NF1: variants seen among roughly 807,000 people sequenced by gnomAD.
NF1 encodes the protein neurofibromin 1.
Under a neutral mutation model 325.7 loss-of-function variants are expected in NF1, and 122 were observed. The observed-to-expected ratio is 0.37, with a 90% CI of 0.32 to 0.44. The LOEUF (loss-of-function observed/expected upper bound fraction) is 0.44. Among genes scored for constraint, NF1 ranks in the 20% least tolerant of loss-of-function variants. The pLI is 1.00. For missense variants in NF1, 2,140 were observed against 3,415.4 expected (o/e 0.63, Z 9.31); for synonymous variants, 1,091 against 1,186.0 (o/e 0.92, Z 1.65).
intron 1 of NF1, among the ~76,000 whole-genome samples, chr17:31,101,980 T>C (rs1912384162): frequency 2.0e-5 from 3 of 152,220 alleles, no homozygotes; most frequent in African/African-American, 7.2e-5. Flanking sequence ...AGAACATTGA[T>C]GGAATGTTTT....
intron 1 of NF1, among the ~76,000 whole-genome samples, chr17:31,130,344 G>T (rs898606031): frequency 1.2e-4 from 19 of 152,202 alleles, no homozygotes; most frequent in Non-Finnish European, 2.1e-4. Flanking sequence ...CAGCCAAAGT[G>T]TAGGGGGTGG....
Position 31,327,484 on chromosome 17 carries a change from A to G in NF1, c.5269-15A>G, listed in dbSNP as rs2151540701. On this transcript the variant is annotated splice_polypyrimidine_tract_variant and intron_variant, in intron 37 of 57. Transcript: ENST00000358273. ...TAATTCTTCTCCACTTCACCCCGTC[A>G]CCACCACTTTCCAGGTTGGTTCTAC... 6.2e-7 allele frequency: 1 copy of G among 1,605,220 alleles called. No homozygotes were observed.
intron 16 of NF1, among the ~76,000 whole-genome samples, 183 bp from the exon 17 acceptor site, chr17:31,224,912 A>G (rs569903969): frequency 2.0e-4 from 31 of 152,186 alleles, no homozygotes; most frequent in Non-Finnish European, 3.7e-4. Context: ...AAGAAATTTT[A>G]AAGAATTAAG....
intron 36 of NF1, chr17:31,304,754 C>T: frequency 8.1e-6 from 13 of 1,614,118 alleles, no homozygotes; most frequent in Admixed American, 6.7e-5. Flanking sequence ...ATTTCTAAGT[C>T]ATCTGCTAAA....
chr17:31,280,778 A>G (rs890086749), intron 36 of NF1, among the ~76,000 whole-genome samples: 1 of 150,942 alleles, frequency 6.6e-6, no homozygotes, highest in South Asian at 2.1e-4. Context: ...TAAAATCTTT[A>G]TGTGCTCCTT....
intron 27 of NF1, among the ~76,000 whole-genome samples, chr17:31,233,573 A>G (rs1019559714): frequency 3.3e-5 from 5 of 152,204 alleles, no homozygotes; most frequent in Admixed American, 1.3e-4. Flanking sequence ...CCAGTTTGCT[A>G]TTCTTTTCCC....
At chr17:31,269,228 T>C (rs544414116) in intron 36 of NF1, among the ~76,000 whole-genome samples, 1 of 152,320 alleles carries the variant, frequency 6.6e-6, no homozygotes, top group African/African-American at 2.4e-5. Flanking sequence ...GTCTGTCCCA[T>C]TGACTCCCTG....
chr17:31,305,660 A>T (rs1299922889), intron 36 of NF1: 1 of 1,554,218 alleles, frequency 6.4e-7, no homozygotes, highest in Admixed American at 1.9e-5. Context: ...AAAGAGAAAG[A>T]CAGTTAGGCG....
chr17:31,194,086 C>G (rs571247244), intron 8 of NF1, among the ~76,000 whole-genome samples: 2 of 152,284 alleles, frequency 1.3e-5, no homozygotes, highest in Middle Eastern at 6.8e-3. Context: ...CATCTGTACT[C>G]CCATGTTTAT....
chr17:31,310,715 A>G (rs942809824), intron 36 of NF1, among the ~76,000 whole-genome samples: 7 of 151,936 alleles, frequency 4.6e-5, no homozygotes, highest in African/African-American at 1.2e-4. Flanking sequence ...TACGTTTTAT[A>G]TAGAGTTTTC....
Position 31,123,897 on chromosome 17 carries a change from TA to T in NF1, c.60+28529del, listed in dbSNP as rs1378764425. 2.2e-4 allele frequency among the ~76,000 whole-genome samples: 34 copies of T among 152,312 alleles called. No homozygotes were observed. The East Asian group carries it at 6.4e-3, about 28-fold the overall frequency. On this transcript the variant is annotated intron_variant, in intron 1 of 57. Transcript: ENST00000358273. ...AGAAAGCATTTTTTCTCTTTTCTAT[TA>T]TTTTTGTCTCTTTATATGTTTATGT... is the stretch of plus-strand genomic sequence containing the variant.
At chr17:31,365,008 T>C (rs1046346754) in intron 57 of NF1, among the ~76,000 whole-genome samples, 3 of 152,038 alleles carry the variant, frequency 2.0e-5, no homozygotes, top group Non-Finnish European at 2.9e-5. Flanking sequence ...AACTAGAAAA[T>C]GAAACCCAGG....
chr17:31,111,415 A>G (rs548047616), intron 1 of NF1, among the ~76,000 whole-genome samples: 6 of 152,178 alleles, frequency 3.9e-5, no homozygotes, highest in Non-Finnish European at 8.8e-5. Flanking sequence ...GCAAACCCCA[A>G]GCAGGATGAA....
At position 31,241,032 on chromosome 17, in the gene NF1, G is replaced by A. The variant is rs529670529; in HGVS notation, c.3974+5011G>A. ...AGCTGGGATTACAGGTGCCTGCCACGATGCCCAGCTGATTTTTGTATTTTT... is the reference window on the plus strand; with the variant it reads ...AGCTGGGATTACAGGTGCCTGCCACAATGCCCAGCTGATTTTTGTATTTTT... On this transcript the variant is annotated intron_variant, in intron 29 of 57. Transcript: ENST00000358273. 5.8e-3 allele frequency among the ~76,000 whole-genome samples: 876 copies of A among 151,910 alleles called. 3 individuals carry two copies. The highest frequency in any genetic ancestry group is 0.01 in the Non-Finnish European group (684 of 67,906).
intron 49 of NF1, 70 bp downstream of exon 49, chr17:31,349,321 T>C (rs2070082172): frequency 6.6e-7 from 1 of 1,518,020 alleles, no homozygotes; most frequent in Non-Finnish European, 9.0e-7. Flanking sequence ...AAAGTACAAA[T>C]ACCTATAGGT....
At chr17:31,215,117 T>G (rs1453459209) in intron 13 of NF1, among the ~76,000 whole-genome samples, 3 of 152,184 alleles carry the variant, frequency 2.0e-5, no homozygotes, top group African/African-American at 7.2e-5. Context: ...AGTGTGATTA[T>G]CATTATTATT....
rs17880702 is a variant in NF1, at chr17:31,336,946, A to G, written c.6427+32A>G. On this transcript the variant is annotated intron_variant, in intron 42 of 57. Coordinates refer to ENST00000358273, the MANE Select transcript of NF1 (RefSeq NM_001042492.3). This position sits in a 1 kb window ranked among gnomAD's most constrained non-coding sequence, Gnocchi z 5.5. Reference sequence around the variant, plus strand: ...TCTAGGAAAGGAATTTGTGTTTACCAGTTCCTTTCTCCATTTTACTTCACC... The same window carrying G: ...TCTAGGAAAGGAATTTGTGTTTACCGGTTCCTTTCTCCATTTTACTTCACC... 795 of 1,599,532 alleles carry G rather than the reference A, an allele frequency of 5.0e-4. 6 individuals are homozygous for G. The African/African-American group carries it at 9.8e-3, about 20-fold the overall frequency.
At chr17:31,289,076 G>A (rs1485562002) in intron 36 of NF1, among the ~76,000 whole-genome samples, 1 of 152,058 alleles carries the variant, frequency 6.6e-6, no homozygotes, top group Non-Finnish European at 1.5e-5. Flanking sequence ...GATAAAGGTG[G>A]TCAAAAAAAC....
rs748117738 is a variant in NF1, at chr17:31,305,536, G to A, written c.4836-20284G>A. 2 of 1,614,026 alleles carry A rather than the reference G, an allele frequency of 1.2e-6. No homozygotes were observed. Among genetic ancestry groups the A allele is most frequent in the Admixed American group, 1.7e-5 (1 of 60,002 alleles). ...CTGTGACTGCTTCTCTGTTGTAATTGTCTCTGTCTTTGAAAAAAATGTATT... is the reference window on the plus strand; with the variant it reads ...CTGTGACTGCTTCTCTGTTGTAATTATCTCTGTCTTTGAAAAAAATGTATT... On this transcript the variant is annotated intron_variant, in intron 36 of 57. Coordinates refer to ENST00000358273, the MANE Select transcript of NF1 (RefSeq NM_001042492.3).
Sources: gnomAD v4.1 joint callset for allele counts (sites outside exome capture counted in the v4.1 genomes callset) on GRCh38, gnomAD v4.1.1 for gene constraint, Gnocchi (gnomAD v3.1) non-coding constraint, MANE v1.5 for transcripts, NCBI Gene and HGNC (gene_info 2026-07-23, HGNC 2026-07-21) for gene names.